Variants in FHIT observed in about 807,000 individuals in gnomAD.
FHIT encodes bis(5'-adenosyl)-triphosphatase.
A neutral mutation model predicts 17.9 loss-of-function variants in FHIT; 19 were observed. The ratio of observed to expected loss-of-function variants is 1.06; its 90% CI spans 0.74 to 1.56. The LOEUF (loss-of-function observed/expected upper bound fraction) is 1.56, where lower values mean the gene tolerates loss of function less well. Ranked by LOEUF, FHIT falls within the 40% of genes most tolerant of loss-of-function variation. The pLI is 0.00. For missense variants in FHIT, 248 were observed against 189.2 expected, an observed-to-expected ratio of 1.31 and a Z score of -1.82; for synonymous variants, 81 against 69.7, an observed-to-expected ratio of 1.16 and a Z score of -0.81.
intron 3 of FHIT, among the ~76,000 whole-genome samples, chr3:60,877,882 C>A (rs1388058611): frequency 6.6e-6 from 1 of 152,080 alleles, no homozygotes; most frequent in Admixed American, 6.6e-5. Context: ...AAACAATACC[C>A]ATGCTCAGTC....
chr3:60,858,551 C>A (rs1703480372), intron 3 of FHIT, among the ~76,000 whole-genome samples: 2 of 152,126 alleles, frequency 1.3e-5, no homozygotes, highest in Non-Finnish European at 2.9e-5. Flanking sequence ...ACCAGTGTGG[C>A]CTTTTATGAA....
intron 5 of FHIT, among the ~76,000 whole-genome samples, chr3:60,041,101 C>T (rs1428492689): frequency 2.0e-5 from 3 of 152,106 alleles, no homozygotes; most frequent in African/African-American, 7.2e-5. Context: ...AGTAATAAAA[C>T]AAGAAGTACC....
intron 5 of FHIT, among the ~76,000 whole-genome samples, chr3:60,338,143 T>C (rs1181555853): frequency 1.3e-5 from 2 of 152,148 alleles, no homozygotes; most frequent in African/African-American, 4.8e-5. Context: ...AAGGGAAGCA[T>C]ACATATATTC....
chr3:60,202,314 A>G (rs1236099012), intron 5 of FHIT, among the ~76,000 whole-genome samples: 1 of 152,224 alleles, frequency 6.6e-6, no homozygotes, highest in Non-Finnish European at 1.5e-5. Context: ...GGATGCTATT[A>G]ACATGGAAGT....
At chr3:61,005,401 GATA>G (rs1203314310) in intron 3 of FHIT, among the ~76,000 whole-genome samples, 1 of 152,264 alleles carries the variant, frequency 6.6e-6, no homozygotes, top group African/African-American at 2.4e-5. Flanking sequence ...GGAGCAGGAT[GATA>G]ATGATTGTGA....
intron 4 of FHIT, among the ~76,000 whole-genome samples, chr3:60,711,284 C>G (rs757834611): frequency 5.9e-5 from 9 of 152,134 alleles, no homozygotes; most frequent in Non-Finnish European, 1.3e-4. Context: ...ACATCACCAT[C>G]ATCAAAGACC....
Position 60,529,695 on chromosome 3 carries a change from T to C in FHIT, c.103+7165A>G, listed in dbSNP as rs540822545. Among the ~76,000 whole-genome samples the C allele has an allele frequency of 2.0e-5, 3 of 152,324 alleles. No individual in the cohort carries two copies. In the South Asian group the frequency reaches 6.2e-4, roughly 32 times the overall value. On this transcript the variant is annotated intron_variant, in intron 5 of 9. Coordinates refer to ENST00000492590, the MANE Select transcript of FHIT (RefSeq NM_002012.4). ...ATAACGAACAGAGTTCAGTGATTGTTAACCATGACAGTTTAAAACTACTTG... is the reference window on the plus strand; with the variant it reads ...ATAACGAACAGAGTTCAGTGATTGTCAACCATGACAGTTTAAAACTACTTG...
At chr3:60,369,652 A>T (rs1700244759) in intron 5 of FHIT, among the ~76,000 whole-genome samples, 1 of 151,962 alleles carries the variant, frequency 6.6e-6, no homozygotes. Flanking sequence ...TTAGATTGTG[A>T]TTCTCCTAAG....
At chr3:60,509,894 G>A (rs55799121) in intron 5 of FHIT, among the ~76,000 whole-genome samples, 4,556 of 152,078 alleles carry the variant, frequency 0.03, 119 homozygotes, top group Non-Finnish European at 0.038. Context: ...AATACATCAC[G>A]TACCTGGTAA....
Position 60,978,900 on chromosome 3 carries a change from T to G in FHIT, c.-111+63147A>C, listed in dbSNP as rs185466623. Among the ~76,000 whole-genome samples the G allele has an allele frequency of 3.1e-3, 466 of 152,316 alleles. 3 individuals carry two copies. The highest frequency in any genetic ancestry group is 0.011 in the African/African-American group (452 of 41,560). On this transcript the variant is annotated intron_variant, in intron 3 of 9. Transcript: ENST00000492590. ...TACAGCTATGGGTTGTGTAGAGTTGTAACCACATTAAGCCAAGCATGTCTT... is the reference window on the plus strand; with the variant it reads ...TACAGCTATGGGTTGTGTAGAGTTGGAACCACATTAAGCCAAGCATGTCTT...
intron 5 of FHIT, among the ~76,000 whole-genome samples, chr3:60,059,124 G>T (rs73092171): frequency 0.23 from 35,715 of 152,134 alleles, 5,543 homozygotes; most frequent in East Asian, 0.71. Context: ...TCAGGTGGTT[G>T]TTAACTCTCT....
chr3:59,767,045 A>C (rs1701830987), intron 8 of FHIT, among the ~76,000 whole-genome samples: 1 of 152,178 alleles, frequency 6.6e-6, no homozygotes, highest in South Asian at 2.1e-4. Context: ...CCAGATGCAA[A>C]ACAACCCCGA....
intron 7 of FHIT, among the ~76,000 whole-genome samples, chr3:59,991,192 G>T (rs1709217336): frequency 6.6e-6 from 1 of 152,022 alleles, no homozygotes; most frequent in African/African-American, 2.4e-5. Flanking sequence ...AATAATGAAT[G>T]GATTAATGAC....
chr3:60,150,757 A>G lies in FHIT; in HGVS notation c.104-136605T>C, dbSNP rs1216651183. Among the ~76,000 whole-genome samples, 6 of 152,144 alleles carry G rather than the reference A, an allele frequency of 3.9e-5. No homozygotes were observed. In the East Asian group the frequency reaches 1.2e-3, roughly 29 times the overall value. On this transcript the variant is annotated intron_variant, in intron 5 of 9. Transcript: ENST00000492590. ...ACATGGTGAAACCCCTTCTCTATTA[A>G]AAAGATAAAAACTTAGCCAAGCATG...
intron 2 of FHIT, among the ~76,000 whole-genome samples, chr3:61,124,409 G>C (rs1392334240): frequency 3.9e-5 from 6 of 152,206 alleles, no homozygotes; most frequent in South Asian, 4.1e-4. Flanking sequence ...CTGTGTGGTG[G>C]TAAATGCTTA....
intron 5 of FHIT, among the ~76,000 whole-genome samples, chr3:60,398,824 A>G (rs959731212): frequency 1.3e-5 from 2 of 152,170 alleles, no homozygotes; most frequent in Non-Finnish European, 2.9e-5. Flanking sequence ...GTGGAAAAAA[A>G]ATCTATGTTT....
intron 8 of FHIT, among the ~76,000 whole-genome samples, chr3:59,756,882 C>T (rs942342117): frequency 6.6e-6 from 1 of 152,204 alleles, no homozygotes; most frequent in African/African-American, 2.4e-5. Flanking sequence ...CTAAGGTGCA[C>T]ATTTTTTCAT....
chr3:59,759,811 A>G (rs905345756), intron 8 of FHIT, among the ~76,000 whole-genome samples: 10 of 152,186 alleles, frequency 6.6e-5, no homozygotes, highest in Non-Finnish European at 1.2e-4. Flanking sequence ...TGGTGGCCCA[A>G]TGAATCACCA....
At chr3:60,121,943 C>G (rs9839495) in intron 5 of FHIT, among the ~76,000 whole-genome samples, 95,665 of 152,006 alleles carry the variant, frequency 0.63, 30,649 homozygotes, top group African/African-American at 0.73. Context: ...GGGTTTATTT[C>G]ACTCTTTGCT....
Sources: gnomAD v4.1 joint callset for allele counts (sites outside exome capture counted in the v4.1 genomes callset) on GRCh38, gnomAD v4.1.1 for gene constraint, MANE v1.5 for transcripts, NCBI Gene and HGNC (gene_info 2026-07-23, HGNC 2026-07-21) for gene names.